Variants in CALHM4 observed in about 807,000 individuals in gnomAD.
CALHM4 encodes the protein calcium homeostasis modulator family member 4, also known as calcium homeostasis modulator protein 4.
Under a neutral mutation model 13.3 loss-of-function variants are expected in CALHM4, and 16 were observed. That is an observed-to-expected ratio of 1.20 (90% CI 0.81 to 1.82). The LOEUF is 1.82. CALHM4 is among the 40% of genes most tolerant of loss of function. CALHM4 has a pLI of 0.00. For synonymous variants in CALHM4, 127 were observed against 137.1 expected, an observed-to-expected ratio of 0.93 and a Z score of 0.52; for missense variants, 344 against 374.9, an observed-to-expected ratio of 0.92 and a Z score of 0.68.
At chr6:116,554,452 T>TA in intron 1 of CALHM4, 101 bp downstream of exon 1, 1 of 994,158 alleles carries the variant, frequency 1.0e-6, no homozygotes, top group Non-Finnish European at 1.4e-6. Flanking sequence ...TCTCTGATTA[T>TA]AGAACACAAT....
At chr6:116,539,138 A>G (rs891907681) in intron 1 of CALHM4, among the ~76,000 whole-genome samples, 1 of 152,214 alleles carries the variant, frequency 6.6e-6, no homozygotes, top group African/African-American at 2.4e-5. Flanking sequence ...ATCTACATTT[A>G]TATATTACAA....
chr6:116,548,922 T>G (rs1583308399), upstream of CALHM4, among the ~76,000 whole-genome samples: 1 of 152,228 alleles, frequency 6.6e-6, no homozygotes, highest in East Asian at 1.9e-4. Flanking sequence ...GAATGTGTAT[T>G]GCCTTCACAC....
intron 1 of CALHM4, among the ~76,000 whole-genome samples, chr6:116,536,524 A>C (rs533093524): frequency 1.3e-5 from 2 of 152,212 alleles, no homozygotes; most frequent in Non-Finnish European, 2.9e-5. Context: ...CTGTTCCTAC[A>C]TGTAGTCTTT....
At chr6:116,542,835 A>G (rs1255392163) in intron 1 of CALHM4, among the ~76,000 whole-genome samples, 2 of 152,034 alleles carry the variant, frequency 1.3e-5, no homozygotes, top group Non-Finnish European at 2.9e-5. Flanking sequence ...CACAATTCCT[A>G]TTTTCTCCAT....
chr6:116,545,534 A>G lies in CALHM4; in HGVS notation c.-1+1662A>G, dbSNP rs1048145673. On this transcript the variant is annotated intron_variant, in intron 2 of 2. Coordinates refer to the CALHM4 transcript ENST00000368597. ...AGACATAGTGCTTGATAGATGAAGA[A>G]TATGATCTTCAATTTCTCTTCTTTT... 1.5e-5 allele frequency: 23 copies of G among 1,542,060 alleles called. 1 individual carries two copies. The Admixed American group carries it at 4.6e-4, about 31-fold the overall frequency.
At chr6:116,543,928 A>G in intron 2 of CALHM4, 1 of 1,327,888 alleles carries the variant, frequency 7.5e-7, no homozygotes, top group Non-Finnish European at 1.0e-6. Context: ...ATTTCCTTAT[A>G]GTTCTCCAAA....
rs774810184 is a variant in CALHM4, at chr6:116,554,015, G to A, written c.222G>A (p.Met74Ile). Residue 74 changes from methionine to isoleucine, a missense_variant, in exon 1 of 2, where the codon ATG becomes ATA. Transcript: ENST00000368596. ...CTGGCTTTGCTCTGAGAAGCCAAAT[G>A]TGGACAATTACCGGTGAATACTGCT... ...LVAGFALRSQ[M>I]WTITGEYCCS... The A allele has an allele frequency of 7.1e-6, 11 of 1,550,552 alleles. No individual in the cohort carries two copies. Among genetic ancestry groups the A allele is most frequent in the Non-Finnish European group, 8.7e-6 (10 of 1,147,024 alleles).
At chr6:116,530,958 T>G (rs943375541) in intron 1 of CALHM4, among the ~76,000 whole-genome samples, 3 of 142,462 alleles carry the variant, frequency 2.1e-5, no homozygotes, top group African/African-American at 7.7e-5. Context: ...ACTAATTTCC[T>G]AGACAAGAAG....
chr6:116,537,704 G>T (rs753995805), intron 1 of CALHM4, among the ~76,000 whole-genome samples: 2 of 152,202 alleles, frequency 1.3e-5, no homozygotes, highest in African/African-American at 4.8e-5. Context: ...GGCAAGGTGA[G>T]GAGCATTCGC....
At chr6:116,556,939 CTTT>C (rs35964763) in intron 1 of CALHM4, among the ~76,000 whole-genome samples, 8 of 119,494 alleles carry the variant, frequency 6.7e-5, no homozygotes, top group African/African-American at 1.9e-4. Context: ...TATTTTTAAT[CTTT>C]TTTTTTTTTT....
chr6:116,538,518 C>T (rs1462086338), intron 1 of CALHM4, among the ~76,000 whole-genome samples: 1 of 152,066 alleles, frequency 6.6e-6, no homozygotes, highest in Non-Finnish European at 1.5e-5. Flanking sequence ...ACAAACATAT[C>T]CAGAGGAATG....
At chr6:116,533,935 T>C (rs559702590) in intron 1 of CALHM4, among the ~76,000 whole-genome samples, 25 of 152,184 alleles carry the variant, frequency 1.6e-4, no homozygotes, top group Non-Finnish European at 2.9e-4. Flanking sequence ...GTTTAGCCCA[T>C]TGTTCCCTGC....
Position 116,554,324 on chromosome 6 carries a change from A to T in CALHM4, c.531A>T (p.Ile177=). The change falls in exon 1 of 2, where the codon ATA becomes ATT. Residue 177 remains isoleucine, a synonymous_variant. Coordinates refer to ENST00000368596, the MANE Select transcript of CALHM4 (RefSeq NM_001366078.2). ...ACGTGATCCTAGTAAGAGATGAAAT[A>T]GCTCTTCTGCACAGATACCAGTCAC... ...PSDVILVRDE[I]ALLHRYQSQM... The T allele has an allele frequency of 1.3e-6, 2 of 1,547,800 alleles. No individual in the cohort carries two copies. The highest frequency in any genetic ancestry group is 1.7e-6 in the Non-Finnish European group (2 of 1,146,670).
In CALHM4 at chr6:116,532,505, C is replaced by G. The variant is rs772907569; in HGVS notation, c.-109+3315C>G. Among the ~76,000 whole-genome samples the G allele has an allele frequency of 3.4e-4, 52 of 152,266 alleles. 1 individual carries two copies. The highest frequency in any genetic ancestry group is 3.3e-3 in the Admixed American group (51 of 15,302). ...AATCCCAAGAATGCTATAAATGATC[C>G]CTCCTTTGGAAAAACTTACAGATCT... On this transcript the variant is annotated intron_variant, in intron 1 of 2. Coordinates refer to the CALHM4 transcript ENST00000368597.
upstream of CALHM4, among the ~76,000 whole-genome samples, chr6:116,550,436 C>T (rs553354698): frequency 6.6e-6 from 1 of 152,226 alleles, no homozygotes; most frequent in South Asian, 2.1e-4. Context: ...CCTGGGTAAT[C>T]TCTCCACACC....
intron 1 of CALHM4, among the ~76,000 whole-genome samples, chr6:116,538,170 G>T (rs1047416200): frequency 6.6e-6 from 1 of 152,200 alleles, no homozygotes. Flanking sequence ...TCTCTTCTGA[G>T]TCTCTTCAGA....
intron 1 of CALHM4, among the ~76,000 whole-genome samples, chr6:116,536,910 A>G (rs910790471): frequency 6.6e-6 from 1 of 151,170 alleles, no homozygotes; most frequent in Non-Finnish European, 1.5e-5. Context: ...AGGATTAATA[A>G]GATAATGCTG....
intron 1 of CALHM4, among the ~76,000 whole-genome samples, chr6:116,534,379 G>A (rs1190773492): frequency 6.6e-6 from 1 of 152,114 alleles, no homozygotes; most frequent in African/African-American, 2.4e-5. Context: ...AAGCAGCTCA[G>A]GAGTTTTGGC....
Position 116,545,067 on chromosome 6 carries a change from C to T in CALHM4, c.-1+1195C>T, listed in dbSNP as rs533995523. 5.3e-5 allele frequency among the ~76,000 whole-genome samples: 8 copies of T among 151,312 alleles called. No homozygotes were observed. The East Asian group carries it at 7.7e-4, about 15-fold the overall frequency. On this transcript the variant is annotated intron_variant, in intron 2 of 2. Transcript: ENST00000368597. ...GCAATCCTTTTTTGATGACCTATTT[C>T]GATTCAGTTTTACACATAATCAACT...
Sources: allele counts gnomAD v4.1 joint callset (sites outside exome capture counted in the v4.1 genomes callset), GRCh38; gene constraint gnomAD v4.1.1; transcripts MANE v1.5; gene names NCBI Gene and HGNC (gene_info 2026-07-23, HGNC 2026-07-21).